MDGA2: variants seen among roughly 807,000 people sequenced by gnomAD.
The protein encoded by MDGA2 is MAM domain containing glycosylphosphatidylinositol anchor 2, also known as MAM domain-containing glycosylphosphatidylinositol anchor protein 2.
A neutral mutation model predicts 117.8 loss-of-function variants in MDGA2; 40 were observed. That is an observed-to-expected ratio of 0.34 (90% CI 0.26 to 0.44). MDGA2 has a LOEUF of 0.44. MDGA2 is among the 20% of genes least tolerant of loss of function. The pLI, the probability that MDGA2 is intolerant of heterozygous loss-of-function variation, is 1.00. For synonymous variants in MDGA2, 452 were observed against 439.0 expected, an observed-to-expected ratio of 1.03 and a Z score of -0.37; for missense variants, 1,123 against 1,250.6, an observed-to-expected ratio of 0.90 and a Z score of 1.54.
At chr14:47,383,977 G>A (rs1157144320) in intron 1 of MDGA2, among the ~76,000 whole-genome samples, 3 of 107,400 alleles carry the variant, frequency 2.8e-5, no homozygotes, top group Non-Finnish European at 5.6e-5. Flanking sequence ...GAGTTAAATA[G>A]ATAGATGATA....
At chr14:47,563,275 A>C (rs1382166199) in intron 1 of MDGA2, among the ~76,000 whole-genome samples, 1 of 152,170 alleles carries the variant, frequency 6.6e-6, no homozygotes, top group Non-Finnish European at 1.5e-5. Flanking sequence ...TGTCAAATTC[A>C]GGCCCTGAAT....
intron 10 of MDGA2, among the ~76,000 whole-genome samples, chr14:46,911,941 A>G (rs963967964): frequency 4.6e-5 from 7 of 152,140 alleles, no homozygotes; most frequent in Admixed American, 6.5e-5. Flanking sequence ...AACACTGAAC[A>G]GGGCTCCATC....
chr14:46,874,381 AAAGT>A (rs1882140456), intron 12 of MDGA2, among the ~76,000 whole-genome samples, 181 bp from the exon 13 acceptor site: 1 of 151,926 alleles, frequency 6.6e-6, no homozygotes, highest in African/African-American at 2.4e-5. Flanking sequence ...TTTTAATGAA[AAAGT>A]AAAAGAATTT....
intron 5 of MDGA2, among the ~76,000 whole-genome samples, chr14:47,120,421 T>C (rs1192200404): frequency 1.3e-5 from 2 of 152,092 alleles, no homozygotes; most frequent in Non-Finnish European, 2.9e-5. Flanking sequence ...AACAGTAGAA[T>C]ACAGCAACTA....
chr14:47,149,739 T>C (rs1210249362), intron 3 of MDGA2, among the ~76,000 whole-genome samples: 1 of 152,214 alleles, frequency 6.6e-6, no homozygotes, highest in East Asian at 1.9e-4. Flanking sequence ...TATAACACTA[T>C]TTCCTGCTGT....
intron 1 of MDGA2, among the ~76,000 whole-genome samples, chr14:47,613,015 G>A (rs571044732): frequency 5.9e-5 from 9 of 152,206 alleles, no homozygotes; most frequent in Non-Finnish European, 1.0e-4. Context: ...ATTGAAAACC[G>A]AAGTTAGAGA....
intron 1 of MDGA2, among the ~76,000 whole-genome samples, chr14:47,410,159 T>C (rs541181839): frequency 6.9e-6 from 1 of 145,706 alleles, no homozygotes; most frequent in African/African-American, 2.5e-5. Context: ...TTAGAAGACA[T>C]GCCTATAAGT....
intron 1 of MDGA2, among the ~76,000 whole-genome samples, chr14:47,344,960 G>A (rs1007739227): frequency 6.6e-6 from 1 of 151,844 alleles, no homozygotes; most frequent in African/African-American, 2.4e-5. Flanking sequence ...AAAACTTACA[G>A]GAGAGACATA....
chr14:47,036,713 T>C (rs1004542387), intron 7 of MDGA2, among the ~76,000 whole-genome samples: 1 of 152,252 alleles, frequency 6.6e-6, no homozygotes, highest in Admixed American at 6.5e-5. Context: ...TATGGCCCAC[T>C]GCCCAGGTAC....
chr14:47,546,827 AG>A (rs1209334662), intron 1 of MDGA2, among the ~76,000 whole-genome samples: 8 of 152,112 alleles, frequency 5.3e-5, no homozygotes, highest in Admixed American at 2.0e-4. Flanking sequence ...TTTTACCTTC[AG>A]TGGATCTCCA....
At chr14:47,060,200 A>ATAAATTTTATCATC (rs1252700950) in intron 7 of MDGA2, among the ~76,000 whole-genome samples, 1 of 152,088 alleles carries the variant, frequency 6.6e-6, no homozygotes, top group Non-Finnish European at 1.5e-5. Flanking sequence ...TTAGTGATAG[A>ATAAATTTTATCATC]TGATAAAAAT....
At chr14:47,403,211 G>A (rs1017530902) in intron 1 of MDGA2, among the ~76,000 whole-genome samples, 1 of 152,014 alleles carries the variant, frequency 6.6e-6, no homozygotes, top group Non-Finnish European at 1.5e-5. Context: ...CTCTTGTTAA[G>A]TCCCAGATGT....
chr14:47,208,067 AAAAT>A (rs1885751743), intron 3 of MDGA2, among the ~76,000 whole-genome samples: 1 of 152,078 alleles, frequency 6.6e-6, no homozygotes, highest in South Asian at 2.1e-4. Flanking sequence ...GGGAAAAAAT[AAAAT>A]AAACTCTTGT....
At chr14:46,971,251 C>T (rs977269192) in intron 8 of MDGA2, among the ~76,000 whole-genome samples, 1 of 152,094 alleles carries the variant, frequency 6.6e-6, no homozygotes, top group Non-Finnish European at 1.5e-5. Flanking sequence ...CAAAGGGATA[C>T]GTACCTGAAT....
intron 1 of MDGA2, among the ~76,000 whole-genome samples, chr14:47,556,558 T>G (rs1186675205): frequency 6.6e-6 from 1 of 152,194 alleles, no homozygotes; most frequent in Non-Finnish European, 1.5e-5. Flanking sequence ...ACAGAGAAAC[T>G]AGATTATGTA....
chr14:47,589,930 A>T (rs1896404139), intron 1 of MDGA2, among the ~76,000 whole-genome samples: 1 of 151,912 alleles, frequency 6.6e-6, no homozygotes, highest in African/African-American at 2.4e-5. Context: ...ATGGTGTTAT[A>T]AATGCAATTG....
At chr14:47,042,809 C>A (rs1479007336) in intron 7 of MDGA2, among the ~76,000 whole-genome samples, 1 of 152,040 alleles carries the variant, frequency 6.6e-6, no homozygotes, top group Non-Finnish European at 1.5e-5. Flanking sequence ...CAAGAAAGTA[C>A]ATTCAGTGTA....
chr14:47,063,738 AT>A (rs1889978690), intron 6 of MDGA2, among the ~76,000 whole-genome samples: 1 of 151,836 alleles, frequency 6.6e-6, no homozygotes, highest in Admixed American at 6.6e-5. Context: ...TGAAAGTTTT[AT>A]TATTGCATAT....
intron 6 of MDGA2, among the ~76,000 whole-genome samples, chr14:47,071,785 CT>C (rs1470289724): frequency 6.6e-6 from 1 of 152,056 alleles, no homozygotes; most frequent in Non-Finnish European, 1.5e-5. Context: ...ATTACTATTC[CT>C]GTTTCAGAGA....
Sources: allele counts gnomAD v4.1 joint callset (sites outside exome capture counted in the v4.1 genomes callset), GRCh38; gene constraint gnomAD v4.1.1; transcripts MANE v1.5; gene names NCBI Gene and HGNC (gene_info 2026-07-23, HGNC 2026-07-21).